Variants in ERBB4 observed in about 807,000 individuals in gnomAD.
ERBB4 encodes the protein erb-b2 receptor tyrosine kinase 4.
ERBB4 carries 42 observed loss-of-function variants against 158.0 expected under a neutral mutation model. That is an observed-to-expected ratio of 0.27 (90% CI 0.21 to 0.34). ERBB4 has a LOEUF of 0.34. Ranked by LOEUF, ERBB4 falls within the 10% of genes least tolerant of loss-of-function variation. The probability of loss-of-function intolerance (pLI) is 1.00; values close to 1 mark genes in which losing one functional copy is unlikely to be tolerated. For synonymous variants in ERBB4, 583 were observed against 558.7 expected, an observed-to-expected ratio of 1.04 and a Z score of -0.61; for missense variants, 1,333 against 1,624.1, an observed-to-expected ratio of 0.82 and a Z score of 3.08.
chr2:211,830,675 A>C (rs1376679679), intron 3 of ERBB4, among the ~76,000 whole-genome samples: 2 of 152,144 alleles, frequency 1.3e-5, no homozygotes, highest in Admixed American at 1.3e-4. Context: ...TATAATTTTC[A>C]TATTTTTATC....
At chr2:211,705,088 C>T (rs111579491) in intron 10 of ERBB4, among the ~76,000 whole-genome samples, 227 of 152,152 alleles carry the variant, frequency 1.5e-3, no homozygotes, top group African/African-American at 5.2e-3. Context: ...TCCTGAGCAG[C>T]TGGGATTACA....
At chr2:212,518,517 C>T (rs1434519052) in intron 1 of ERBB4, among the ~76,000 whole-genome samples, 2 of 151,890 alleles carry the variant, frequency 1.3e-5, no homozygotes, top group African/African-American at 2.4e-5. Flanking sequence ...TATAGCATAG[C>T]AAAAGGTACT....
chr2:212,469,742 A>C (rs1689020150), intron 1 of ERBB4, among the ~76,000 whole-genome samples: 1 of 152,138 alleles, frequency 6.6e-6, no homozygotes, highest in African/African-American at 2.4e-5. Context: ...GCACACATTC[A>C]GATTTTTCAA....
chr2:211,615,632 A>T (rs553631854), intron 19 of ERBB4, among the ~76,000 whole-genome samples: 2 of 152,250 alleles, frequency 1.3e-5, no homozygotes, highest in Admixed American at 1.3e-4. Flanking sequence ...TGTAGCATTT[A>T]ATAGAACACA....
At chr2:212,404,027 A>C (rs2091279356) in intron 1 of ERBB4, among the ~76,000 whole-genome samples, 2 of 151,970 alleles carry the variant, frequency 1.3e-5, no homozygotes, top group South Asian at 4.1e-4. Context: ...ATGGCTTCAA[A>C]CTACTTAATA....
At chr2:212,144,411 CAT>C (rs1293201510) in intron 1 of ERBB4, among the ~76,000 whole-genome samples, 1 of 152,112 alleles carries the variant, frequency 6.6e-6, no homozygotes, top group Non-Finnish European at 1.5e-5. Flanking sequence ...ATAATCAAAA[CAT>C]AGTTTAAATA....
intron 20 of ERBB4, among the ~76,000 whole-genome samples, chr2:211,545,436 T>C (rs1252139476): frequency 6.6e-6 from 1 of 152,008 alleles, no homozygotes; most frequent in African/African-American, 2.4e-5. Context: ...CAAAGCATTC[T>C]TGATGAAAGC....
chr2:211,499,499 G>A (rs1393643545), intron 20 of ERBB4, among the ~76,000 whole-genome samples: 2 of 151,980 alleles, frequency 1.3e-5, no homozygotes, highest in African/African-American at 2.4e-5. Flanking sequence ...CTCCAGCCTG[G>A]CAACAGAGCG....
intron 1 of ERBB4, among the ~76,000 whole-genome samples, chr2:212,423,789 C>G (rs2091849134): frequency 1.3e-5 from 2 of 152,106 alleles, no homozygotes; most frequent in African/African-American, 4.8e-5. Flanking sequence ...ACCATGCAAA[C>G]AGAACCCTTC....
rs114314296 is a variant in ERBB4 at position 211,570,850 on chromosome 2, C to T, written c.2302-8762G>A. 5.9e-3 allele frequency among the ~76,000 whole-genome samples: 897 copies of T among 152,156 alleles called. 3 individuals carry two copies. Among genetic ancestry groups the T allele is most frequent in the African/African-American group, 0.019 (772 of 41,520 alleles). On this transcript the variant is annotated intron_variant, in intron 19 of 27. Transcript: ENST00000342788. Reference sequence around the variant, plus strand: ...TCTGCCACTTTTCTAAATTCTTACCCCTCAAATTACTCTGGAAAATGTCAT... The same window carrying T: ...TCTGCCACTTTTCTAAATTCTTACCTCTCAAATTACTCTGGAAAATGTCAT...
intron 20 of ERBB4, among the ~76,000 whole-genome samples, chr2:211,489,495 T>A (rs958532474): frequency 2.0e-5 from 3 of 152,056 alleles, no homozygotes; most frequent in African/African-American, 7.2e-5. Flanking sequence ...TGCTGGCTAT[T>A]ATAGTTATTA....
At chr2:211,913,583 A>G (rs2079594328) in intron 3 of ERBB4, among the ~76,000 whole-genome samples, 1 of 151,642 alleles carries the variant, frequency 6.6e-6, no homozygotes, top group Admixed American at 6.6e-5. Context: ...CCTGGGCGAC[A>G]GAGCAAGACT....
intron 20 of ERBB4, among the ~76,000 whole-genome samples, chr2:211,441,693 C>A (rs2063981121): frequency 2.0e-5 from 3 of 152,126 alleles, no homozygotes; most frequent in Admixed American, 6.6e-5. Flanking sequence ...ATGTTTCAAA[C>A]CATTGCAATT....
rs116387240 is a variant in ERBB4, at chr2:211,534,207, G to A, written c.2487+27696C>T. Reference sequence around the variant, plus strand: ...GAAGTAAGTGTACTGGTTGGGTGACGCAGGCTAAGCCTCCCACCTTTCTTC... The same window carrying A: ...GAAGTAAGTGTACTGGTTGGGTGACACAGGCTAAGCCTCCCACCTTTCTTC... On this transcript the variant is annotated intron_variant, in intron 20 of 27. Transcript: ENST00000342788. Among the ~76,000 whole-genome samples, 866 of 152,148 alleles carry A rather than the reference G, an allele frequency of 5.7e-3. 9 individuals carry two copies. Among genetic ancestry groups the A allele is most frequent in the South Asian group, 0.022 (107 of 4,828 alleles).
chr2:211,548,742 A>G (rs1279672942), intron 20 of ERBB4, among the ~76,000 whole-genome samples: 1 of 152,062 alleles, frequency 6.6e-6, no homozygotes. Context: ...ATGATCTTAA[A>G]GCTGGTTTCT....
At chr2:211,633,097 A>C (rs2125878656) in intron 16 of ERBB4, among the ~76,000 whole-genome samples, 1 of 152,226 alleles carries the variant, frequency 6.6e-6, no homozygotes, top group South Asian at 2.1e-4. Flanking sequence ...TCTTTTTATT[A>C]ATTGAGTATC....
At chr2:211,710,417 G>A (rs1369822777) in intron 9 of ERBB4, among the ~76,000 whole-genome samples, 1 of 152,048 alleles carries the variant, frequency 6.6e-6, no homozygotes, top group Non-Finnish European at 1.5e-5. Context: ...CTTACTAAAT[G>A]TCATATATGC....
intron 1 of ERBB4, among the ~76,000 whole-genome samples, chr2:212,372,326 A>G (rs2090116498): frequency 6.6e-6 from 1 of 152,204 alleles, no homozygotes; most frequent in Non-Finnish European, 1.5e-5. Flanking sequence ...ACAACGCAAA[A>G]TATGGAACTA....
rs572946441 is a variant in ERBB4 at position 211,884,902 on chromosome 2, T to G, written c.421+62528A>C. Among the ~76,000 whole-genome samples, 15 of 152,198 alleles carry G rather than the reference T, an allele frequency of 9.9e-5. No homozygotes were observed. In the East Asian group the frequency reaches 2.9e-3, roughly 29 times the overall value. ...AAACATAATTATAATAAAATTAGAG[T>G]CAACAATAGTATTACTCTATTCTCT... is the stretch of plus-strand genomic sequence containing the variant. On this transcript the variant is annotated intron_variant, in intron 3 of 27. Coordinates refer to ENST00000342788, the MANE Select transcript of ERBB4 (RefSeq NM_005235.3).
Sources: gnomAD v4.1 joint callset for allele counts (sites outside exome capture counted in the v4.1 genomes callset) on GRCh38, gnomAD v4.1.1 for gene constraint, MANE v1.5 for transcripts, NCBI Gene and HGNC (gene_info 2026-07-23, HGNC 2026-07-21) for gene names.